SETX: variants seen among roughly 807,000 people sequenced by gnomAD.
SETX encodes senataxin, also known as helicase senataxin.
SETX carries 90 observed loss-of-function variants against 227.2 expected under a neutral mutation model. The observed-to-expected ratio is 0.40, with a 90% CI of 0.33 to 0.47. The LOEUF is 0.47. Ranked by LOEUF, SETX falls within the 20% of genes least tolerant of loss-of-function variation. SETX has a pLI of 0.91. For missense variants in SETX, 3,052 were observed against 3,181.5 expected, an observed-to-expected ratio of 0.96 and a Z score of 0.98; for synonymous variants, 1,210 against 1,113.2, an observed-to-expected ratio of 1.09 and a Z score of -1.73.
At chr9:132,352,724 T>A (rs1848665977) in intron 2 of SETX, among the ~76,000 whole-genome samples, 1 of 152,192 alleles carries the variant, frequency 6.6e-6, no homozygotes, top group African/African-American at 2.4e-5. Flanking sequence ...ATATTCAATA[T>A]CCAACTGCAT....
chr9:132,337,095 GT>G (rs573857220), intron 5 of SETX, among the ~76,000 whole-genome samples: 14 of 151,352 alleles, frequency 9.2e-5, no homozygotes, highest in African/African-American at 1.7e-4. Flanking sequence ...AATATTTTTC[GT>G]TTTTTTTAAG....
chr9:132,279,896 T>C (rs111249803), intron 20 of SETX, among the ~76,000 whole-genome samples: 1 of 152,196 alleles, frequency 6.6e-6, no homozygotes, highest in African/African-American at 2.4e-5. Context: ...CAGAATGATT[T>C]TGCCACCTTT....
At chr9:132,324,738 G>C (rs1422134817) in intron 10 of SETX, among the ~76,000 whole-genome samples, 7 of 152,104 alleles carry the variant, frequency 4.6e-5, no homozygotes, top group Admixed American at 4.6e-4. Flanking sequence ...CACATACTAG[G>C]CACTCAAATA....
chr9:132,272,192 C>T (rs527942673), intron 23 of SETX, among the ~76,000 whole-genome samples: 1 of 151,974 alleles, frequency 6.6e-6, no homozygotes, highest in East Asian at 1.9e-4. Context: ...TTTTGACAGT[C>T]TAGCCTCACT....
Position 132,330,371 on chromosome 9 carries a change from T to C in SETX, c.1227A>G (p.Leu409=), listed in dbSNP as rs769913556. The C allele has an allele frequency of 4.3e-5, 69 of 1,614,034 alleles. No individual in the cohort carries two copies. Among genetic ancestry groups the C allele is most frequent in the Non-Finnish European group, 5.0e-5 (59 of 1,180,024 alleles). ...GGGACTGGACAAAAGGGATGAACCATAGAAATGTGCTGTTATGAACACGCA... is the reference window on the plus strand; with the variant it reads ...GGGACTGGACAAAAGGGATGAACCACAGAAATGTGCTGTTATGAACACGCA... ...QDMRVHNSTF[L]WFIPFVQSLM... is the part of the protein sequence containing the mutation. The change falls in exon 10 of 26, where the codon CTA becomes CTG. Residue 409 remains leucine, a synonymous_variant. Transcript: ENST00000224140.
intron 5 of SETX, among the ~76,000 whole-genome samples, chr9:132,338,061 C>T (rs1371358824): frequency 6.7e-6 from 1 of 149,794 alleles, no homozygotes; most frequent in Non-Finnish European, 1.5e-5. Context: ...CATGAGGAAA[C>T]ATCAGACAAA....
At chr9:132,283,765 A>T (rs889631731) in intron 18 of SETX, among the ~76,000 whole-genome samples, 3 of 152,228 alleles carry the variant, frequency 2.0e-5, no homozygotes, top group African/African-American at 4.8e-5. Flanking sequence ...GTTGTGAATT[A>T]TATGAGTAAA....
intron 11 of SETX, among the ~76,000 whole-genome samples, chr9:132,304,894 G>A (rs535372625): frequency 7.9e-5 from 12 of 152,110 alleles, no homozygotes; most frequent in African/African-American, 2.9e-4. Context: ...CTGCTTGGGA[G>A]GCTGAGGCAG....
intron 10 of SETX, among the ~76,000 whole-genome samples, chr9:132,320,612 A>C (rs1214520552): frequency 2.0e-5 from 3 of 151,516 alleles, no homozygotes; most frequent in Admixed American, 6.6e-5. Context: ...AAAAAAAAAA[A>C]AAAAAACTAA....
In SETX at chr9:132,328,643, C is replaced by T. The variant is rs201251074; in HGVS notation, c.2955G>A (p.Ser985=). The T allele has an allele frequency of 1.1e-4, 183 of 1,612,952 alleles. No homozygotes were observed. The highest frequency in any genetic ancestry group is 3.1e-4 in the African/African-American group (23 of 74,956). The change falls in exon 10 of 26, where the codon TCG becomes TCA. Residue 985 remains serine (S), a synonymous_variant. Coordinates refer to ENST00000224140, the MANE Select transcript of SETX (RefSeq NM_015046.7). ...TFPSDSPQNS[S]QLQRKVKEDK... Reference sequence around the variant, plus strand: ...CTTCTTTTACTTTCCTTTGCAGCTGCGATGAGTTCTGAGGTGAATCGGATG... The same window carrying T: ...CTTCTTTTACTTTCCTTTGCAGCTGTGATGAGTTCTGAGGTGAATCGGATG...
Position 132,275,340 on chromosome 9 carries a change from A to T in SETX, c.7016T>A (p.Phe2339Tyr). Residue 2339 changes from phenylalanine (F) to tyrosine (Y), a missense_variant, in exon 23 of 26, where the codon TTT becomes TAT. Around this residue, in one of 10 missense-constraint regions of SETX, gnomAD observed 412 missense variants for 589.0 expected, o/e 0.70. Transcript: ENST00000224140. ...LIKDKRKDVS[F>Y]RNIGIITHYK... is the part of the protein sequence containing the mutation. ...ATGAGTTATTATGCCAATGTTTCGA[A>T]AACTAACATCCTTTCTTTTGTCTTT... 5 of 1,613,112 alleles carry T rather than the reference A, an allele frequency of 3.1e-6. No homozygotes were observed. The highest frequency in any genetic ancestry group is 4.2e-6 in the Non-Finnish European group (5 of 1,179,086).
intron 12 of SETX, among the ~76,000 whole-genome samples, chr9:132,299,346 A>G (rs561939319): frequency 2.5e-4 from 38 of 152,328 alleles, no homozygotes; most frequent in African/African-American, 8.7e-4. Flanking sequence ...CATGATTTTG[A>G]TCTATGAGGA....
rs1473613373 is a variant in SETX at position 132,283,346 on chromosome 9, A to C, written c.6464T>G (p.Leu2155Trp). 6.2e-7 allele frequency: 1 copy of C among 1,614,196 alleles called. No homozygotes were observed. The highest frequency in any genetic ancestry group is 8.5e-7 in the Non-Finnish European group (1 of 1,180,034). The change falls in exon 19 of 26, where the codon TTG (leucine) becomes TGG (tryptophan). Residue 2155 changes from leucine (L) to tryptophan (W), a missense_variant. Transcript: ENST00000224140. ...AAGTAGTAAACCACCACTTGTGCTC[A>C]ACGTGCAGCAGATGATATGGGACTC... ...ILESHIICCT[L>W]STSGGLLLES...
chr9:132,313,393 T>A (rs1302030951), intron 10 of SETX, among the ~76,000 whole-genome samples: 1 of 152,160 alleles, frequency 6.6e-6, no homozygotes, highest in Admixed American at 6.5e-5. Context: ...ACTTTTAGTT[T>A]GAAATTATTT....
At chr9:132,278,435 A>ATT (rs1843296549) in intron 20 of SETX, among the ~76,000 whole-genome samples, 178 bp from the exon 21 acceptor site, 2 of 117,144 alleles carry the variant, frequency 1.7e-5, no homozygotes, top group South Asian at 3.1e-4. Flanking sequence ...AATGCCATGA[A>ATT]TCTTTTTTTT....
chr9:132,348,901 C>T (rs753611201), intron 3 of SETX, among the ~76,000 whole-genome samples: 1 of 152,162 alleles, frequency 6.6e-6, no homozygotes, highest in Non-Finnish European at 1.5e-5. Context: ...GCACTTCCAG[C>T]CTGGGCAACA....
intron 23 of SETX, among the ~76,000 whole-genome samples, chr9:132,273,657 C>G (rs569676599): frequency 6.6e-6 from 1 of 152,116 alleles, no homozygotes; most frequent in Non-Finnish European, 1.5e-5. Flanking sequence ...ACATATTAAT[C>G]TTGTATCCTG....
At chr9:132,272,816 C>T (rs905287239) in intron 23 of SETX, among the ~76,000 whole-genome samples, 2 of 152,200 alleles carry the variant, frequency 1.3e-5, no homozygotes, top group Admixed American at 6.5e-5. Flanking sequence ...TGTAACAGAA[C>T]TTCATCCCTT....
intron 18 of SETX, among the ~76,000 whole-genome samples, chr9:132,285,389 A>ACTT (rs1843794542): frequency 6.6e-6 from 1 of 152,170 alleles, no homozygotes. Flanking sequence ...ATGTTGTTAC[A>ACTT]CCATTTTCTC....
Sources: gnomAD v4.1 joint callset for allele counts (sites outside exome capture counted in the v4.1 genomes callset) on GRCh38, gnomAD v4.1.1 for gene constraint, gnomAD v4.1.1 regional missense constraint, MANE v1.5 for transcripts, NCBI Gene and HGNC (gene_info 2026-07-23, HGNC 2026-07-21) for gene names.